ATP8A2: variants seen among roughly 807,000 people sequenced by gnomAD.
The protein encoded by ATP8A2 is ATPase phospholipid transporting 8A2, also known as phospholipid-transporting ATPase IB.
In ATP8A2, 100 loss-of-function variants were observed where a neutral mutation model predicts 165.6. That is an observed-to-expected ratio of 0.60 (90% confidence interval 0.51 to 0.71). The LOEUF (loss-of-function observed/expected upper bound fraction) is 0.71, where lower values mean the gene tolerates loss of function less well. ATP8A2 is among the 30% of genes least tolerant of loss of function. The pLI is 0.00. For synonymous variants in ATP8A2, 543 were observed against 548.8 expected (o/e 0.99, Z 0.15); for missense variants, 1,227 against 1,479.5 (o/e 0.83, Z 2.80).
rs772953102 is a variant in ATP8A2 at position 25,589,606 on chromosome 13, T to A, written c.2147-29T>A. 1.9e-6 allele frequency: 3 copies of A among 1,566,268 alleles called. No homozygotes were observed. The South Asian group carries it at 3.4e-5, about 18-fold the overall frequency. On this transcript the variant is annotated intron_variant, in intron 23 of 36. Coordinates refer to ENST00000381655, the MANE Select transcript of ATP8A2 (RefSeq NM_016529.6). ...AGGAGCTCACAGAAGGAAAGAGAAATTCACATGTTGTCTCTTCCTCCACTT... is the reference window on the plus strand; with the variant it reads ...AGGAGCTCACAGAAGGAAAGAGAAAATCACATGTTGTCTCTTCCTCCACTT...
intron 11 of ATP8A2, 144 bp downstream of exon 11, chr13:25,551,647 T>G: frequency 1.4e-6 from 1 of 693,986 alleles, no homozygotes; most frequent in Non-Finnish European, 2.3e-6. Flanking sequence ...CAAGGAGAAT[T>G]GAGATTAGGA....
At position 25,609,443 on chromosome 13, in the gene ATP8A2, TAAAG is replaced by T. The variant is rs573619556; in HGVS notation, c.2211+19746_2211+19749del. ...TGGCCTCATTACGTACAATTTCTCT[TAAAG>T]AGAGAACACCAAATACCCATGTGAT... is the stretch of plus-strand genomic sequence containing the variant. On this transcript the variant is annotated intron_variant, in intron 24 of 36. Coordinates refer to ENST00000381655, the MANE Select transcript of ATP8A2 (RefSeq NM_016529.6). Among the ~76,000 whole-genome samples, 222 of 143,890 alleles carry T rather than the reference TAAAG, an allele frequency of 1.5e-3. 4 individuals are homozygous for T. The highest frequency in any genetic ancestry group is 5.3e-4 in the Non-Finnish European group (34 of 64,564). The allele number at this position is 143,890 out of a possible 152,430, so 94.4% of individuals were successfully genotyped here.
At chr13:25,901,376 G>A (rs1239994118) in intron 33 of ATP8A2, among the ~76,000 whole-genome samples, 1 of 151,376 alleles carries the variant, frequency 6.6e-6, no homozygotes, top group Non-Finnish European at 1.5e-5. Context: ...AAATAATTTA[G>A]GAGCTCCAGT....
At chr13:25,500,297 TA>T (rs2036814808) in intron 2 of ATP8A2, among the ~76,000 whole-genome samples, 1 of 152,162 alleles carries the variant, frequency 6.6e-6, no homozygotes, top group African/African-American at 2.4e-5. Flanking sequence ...GGAACTCAAT[TA>T]TGTTATTGTA....
intron 25 of ATP8A2, among the ~76,000 whole-genome samples, chr13:25,700,401 T>C (rs2042926369): frequency 6.6e-6 from 1 of 152,122 alleles, no homozygotes; most frequent in Non-Finnish European, 1.5e-5. Context: ...AACTCCTGTA[T>C]CCATTATCAG....
chr13:25,682,555 C>T (rs1257438879), intron 24 of ATP8A2, among the ~76,000 whole-genome samples: 1 of 152,212 alleles, frequency 6.6e-6, no homozygotes, highest in Non-Finnish European at 1.5e-5. Context: ...GGGCACACCA[C>T]TGACTCTCTG....
chr13:25,424,820 TG>T (rs2034398716), intron 1 of ATP8A2, among the ~76,000 whole-genome samples: 1 of 152,002 alleles, frequency 6.6e-6, no homozygotes, highest in Non-Finnish European at 1.5e-5. Flanking sequence ...TAGCTAGATG[TG>T]GTGGTGGGCG....
At chr13:25,647,361 G>A (rs2041699714) in intron 24 of ATP8A2, among the ~76,000 whole-genome samples, 1 of 152,130 alleles carries the variant, frequency 6.6e-6, no homozygotes, top group South Asian at 2.1e-4. Flanking sequence ...AGACAGCTTT[G>A]CTATGTAAAA....
chr13:25,570,867 C>A lies in ATP8A2; in HGVS notation c.1574C>A (p.Ser525Tyr). 1 of 1,611,518 alleles carries A rather than the reference C, an allele frequency of 6.2e-7. No homozygotes were observed. Among genetic ancestry groups the A allele is most frequent in the Non-Finnish European group, 8.5e-7 (1 of 1,178,070 alleles). ...DGDNIIYQAS[S>Y]PDEAALVKGA... ...GATAACATCATCTACCAGGCCTCTT[C>A]CCCAGGTGAGGGCTCTGGCCGGATG... The change falls in exon 17 of 37, where the codon TCC becomes TAC. Residue 525 changes from serine (S) to tyrosine (Y), a missense_variant. Ser to Tyr is a moderately radical substitution (Grantham distance 144). Transcript: ENST00000381655.
chr13:25,954,019 C>T (rs186911526), intron 33 of ATP8A2, among the ~76,000 whole-genome samples: 1 of 152,180 alleles, frequency 6.6e-6, no homozygotes, highest in East Asian at 1.9e-4. Flanking sequence ...CGTTCACTTC[C>T]CTGGAAAGGG....
intron 33 of ATP8A2, among the ~76,000 whole-genome samples, chr13:25,930,379 C>G (rs1377683683): frequency 2.0e-5 from 3 of 151,602 alleles, no homozygotes; most frequent in African/African-American, 7.3e-5. Context: ...CCCCATCCCC[C>G]ACCCCGCCCA....
Position 25,467,404 on chromosome 13 carries a change from G to A in ATP8A2, c.77-1573G>A, listed in dbSNP as rs148149613. Among the ~76,000 whole-genome samples, 308 of 152,268 alleles carry A rather than the reference G, an allele frequency of 2.0e-3. 2 individuals are homozygous for A. The highest frequency in any genetic ancestry group is 7.1e-3 in the African/African-American group (294 of 41,558). ...CTTTCAGTAAACGAGTTTACATTTC[G>A]CTTGTCCCTTTCTTAGGATAAGGAT... On this transcript the variant is annotated intron_variant, in intron 1 of 36. Transcript: ENST00000381655.
intron 36 of ATP8A2, among the ~76,000 whole-genome samples, chr13:26,012,914 T>C (rs1322512793): frequency 1.3e-5 from 2 of 152,200 alleles, no homozygotes; most frequent in African/African-American, 4.8e-5. Context: ...TGAAGCAGTA[T>C]GACTTTTAAA....
Position 25,751,464 on chromosome 13 carries a change from T to C in ATP8A2, c.2385-17582T>C, listed in dbSNP as rs184965002. Among the ~76,000 whole-genome samples, 1,373 of 152,264 alleles carry C rather than the reference T, an allele frequency of 9.0e-3. 31 individuals are homozygous for C. The highest frequency in any genetic ancestry group is 0.032 in the African/African-American group (1,312 of 41,540). On this transcript the variant is annotated intron_variant, in intron 25 of 36. Transcript: ENST00000381655. ...ATTTTATTTTATGATTTTTTTTTCT[T>C]TTAAGAGACAGGGTCTCACTCTATC...
chr13:25,413,710 G>C (rs1402291814), intron 1 of ATP8A2, among the ~76,000 whole-genome samples: 1 of 152,120 alleles, frequency 6.6e-6, no homozygotes, highest in Non-Finnish European at 1.5e-5. Flanking sequence ...GAGGCCAGAA[G>C]GGTAAGTTAC....
At chr13:25,938,780 G>A (rs1187064123) in intron 33 of ATP8A2, among the ~76,000 whole-genome samples, 1 of 152,074 alleles carries the variant, frequency 6.6e-6, no homozygotes, top group African/African-American at 2.4e-5. Context: ...GTCGTGGGTA[G>A]ATGGAAGGAT....
At chr13:25,794,559 A>T (rs1332916475) in intron 27 of ATP8A2, among the ~76,000 whole-genome samples, 1 of 152,160 alleles carries the variant, frequency 6.6e-6, no homozygotes, top group African/African-American at 2.4e-5. Context: ...ACAAAGGAGC[A>T]CAAAGGGTTT....
intron 2 of ATP8A2, among the ~76,000 whole-genome samples, chr13:25,514,259 C>T (rs2037393677): frequency 6.6e-6 from 1 of 152,140 alleles, no homozygotes; most frequent in African/African-American, 2.4e-5. Context: ...GTGTTATCAT[C>T]TTATGACTCT....
chr13:25,590,213 C>G (rs1005135622), intron 24 of ATP8A2, among the ~76,000 whole-genome samples: 1 of 152,118 alleles, frequency 6.6e-6, no homozygotes, highest in Non-Finnish European at 1.5e-5. Flanking sequence ...TCGCTTTAAC[C>G]AAGGAGTTCC....
Sources: allele counts gnomAD v4.1 joint callset (sites outside exome capture counted in the v4.1 genomes callset), GRCh38; gene constraint gnomAD v4.1.1; transcripts MANE v1.5; gene names NCBI Gene and HGNC (gene_info 2026-07-23, HGNC 2026-07-21).